The following GLP2R variants were observed in gnomAD, a reference collection of about 807,000 sequenced individuals.
The protein encoded by GLP2R is glucagon-like peptide 2 receptor.
Under a neutral mutation model 68.2 loss-of-function variants are expected in GLP2R, and 59 were observed. The observed-to-expected ratio is 0.87, with a 90% CI of 0.70 to 1.07. The LOEUF is 1.07. GLP2R is among the 50% of genes least tolerant of loss of function. GLP2R has a pLI of 0.00. For missense variants in GLP2R, 548 were observed against 677.4 expected, an observed-to-expected ratio of 0.81 and a Z score of 2.12; for synonymous variants, 270 against 265.4, an observed-to-expected ratio of 1.02 and a Z score of -0.17.
intron 11 of GLP2R, among the ~76,000 whole-genome samples, chr17:9,881,032 T>G (rs7223144): frequency 0.022 from 3,358 of 152,274 alleles, 144 homozygotes; most frequent in African/African-American, 0.077. Flanking sequence ...ATTGCTTAAA[T>G]TATTATCTAT....
chr17:9,890,072 C>T lies in GLP2R; in HGVS notation c.*367C>T, dbSNP rs1252524390. The T allele has an allele frequency of 2.2e-6, 1 of 462,504 alleles. No homozygotes were observed. Among genetic ancestry groups the T allele is most frequent in the African/African-American group, 2.0e-5 (1 of 50,322 alleles). The allele number at this position is 462,504 out of a possible 1,614,324, so 28.7% of individuals were successfully genotyped here. A position where few individuals can be genotyped will look rare whatever the true frequency, so the allele number is the denominator to read the frequency against. On this transcript the variant is annotated 3_prime_UTR_variant, in exon 13 of 13. Transcript: ENST00000262441. ...TTTATCCCTTGGGGTGCATGCTTTC[C>T]ATCTGAGGTTGGGTTTAGGGTGCGT...
At chr17:9,856,552 C>G (rs1304007734) in intron 5 of GLP2R, among the ~76,000 whole-genome samples, 1 of 152,164 alleles carries the variant, frequency 6.6e-6, no homozygotes, top group African/African-American at 2.4e-5. Flanking sequence ...CAGGAGACCC[C>G]AGGTGCATAA....
At chr17:9,864,510 GTTTGTTTTGTTTTTTGTT>G (rs1267031316) in intron 9 of GLP2R, among the ~76,000 whole-genome samples, 2 of 140,918 alleles carry the variant, frequency 1.4e-5, no homozygotes, top group Non-Finnish European at 1.6e-5. Flanking sequence ...TTGTTTGTTT[GTTTGTTTTGTTTTTTGTT>G]TTTTGTTTTT....
In GLP2R at chr17:9,825,945, G is replaced by A; in HGVS notation, c.-119G>A. On this transcript the variant is annotated 5_prime_UTR_variant, in exon 1 of 13. Transcript: ENST00000262441. ...CCTCAGACACTCTCGGCGCAGCGTG[G>A]AGAGGATTTGTGCAAACATTTCCTC... The A allele has an allele frequency of 1.2e-6, 1 of 813,688 alleles. No homozygotes were observed. Among genetic ancestry groups the A allele is most frequent in the South Asian group, 1.7e-5 (1 of 58,806 alleles). The allele number at this position is 813,688 out of a possible 1,614,324, so 50.4% of individuals were successfully genotyped here. A position where few individuals can be genotyped will look rare whatever the true frequency, so the allele number is the denominator to read the frequency against.
intron 7 of GLP2R, 148 bp from the exon 8 acceptor site, chr17:9,860,991 T>C: frequency 3.1e-6 from 2 of 641,748 alleles, no homozygotes; most frequent in South Asian, 4.4e-5. Flanking sequence ...TGTGCCACCC[T>C]GGGTCTCTCC....
At chr17:9,859,417 C>T (rs971552892) in intron 6 of GLP2R, among the ~76,000 whole-genome samples, 1 of 151,988 alleles carries the variant, frequency 6.6e-6, no homozygotes, top group African/African-American at 2.4e-5. Context: ...GAACACCTAC[C>T]TGAAGCCCTC....
chr17:9,887,202 G>T (rs1314943184), intron 11 of GLP2R, among the ~76,000 whole-genome samples: 2 of 151,828 alleles, frequency 1.3e-5, no homozygotes, highest in Non-Finnish European at 2.9e-5. Flanking sequence ...AGGGTCAGGG[G>T]CCAAAAGGAA....
chr17:9,867,690 T>C (rs974616476), intron 9 of GLP2R, among the ~76,000 whole-genome samples: 11 of 152,334 alleles, frequency 7.2e-5, no homozygotes, highest in Admixed American at 2.6e-4. Context: ...GGTCATTCTA[T>C]CCATACCCTG....
intron 1 of GLP2R, among the ~76,000 whole-genome samples, 184 bp downstream of exon 1, chr17:9,826,436 C>T (rs1397526488): frequency 1.3e-5 from 2 of 152,056 alleles, no homozygotes; most frequent in Admixed American, 6.6e-5. Flanking sequence ...TGTCCTCAAA[C>T]CTTTTCTCTA....
At chr17:9,856,440 G>A (rs1180476158) in intron 5 of GLP2R, among the ~76,000 whole-genome samples, 5 of 152,234 alleles carry the variant, frequency 3.3e-5, no homozygotes, top group Middle Eastern at 3.4e-3. Context: ...TATAACAATA[G>A]CTTTAAAGCA....
intron 10 of GLP2R, among the ~76,000 whole-genome samples, chr17:9,879,788 A>G (rs2067178937): frequency 6.6e-6 from 1 of 152,144 alleles, no homozygotes; most frequent in African/African-American, 2.4e-5. Context: ...AGCCCTCACT[A>G]TCACCAGGGT....
At chr17:9,869,765 A>G (rs2067075523) in intron 9 of GLP2R, among the ~76,000 whole-genome samples, 1 of 152,224 alleles carries the variant, frequency 6.6e-6, no homozygotes, top group Non-Finnish European at 1.5e-5. Context: ...GCTGGGTGGA[A>G]GCCAGCCATC....
intron 9 of GLP2R, among the ~76,000 whole-genome samples, chr17:9,867,623 T>C (rs2067051318): frequency 6.6e-6 from 1 of 152,230 alleles, no homozygotes; most frequent in South Asian, 2.1e-4. Context: ...AGAATATTGG[T>C]AAAGTCTTGA....
At chr17:9,836,252 G>A (rs949331934) in intron 2 of GLP2R, 119 bp from the exon 3 acceptor site, 47 of 695,878 alleles carry the variant, frequency 6.8e-5, no homozygotes, top group Middle Eastern at 5.0e-4. Context: ...GCTGGTTTCT[G>A]CACAGGTTAC....
chr17:9,848,555 G>A (rs545082025), intron 4 of GLP2R, among the ~76,000 whole-genome samples: 11 of 152,250 alleles, frequency 7.2e-5, no homozygotes, highest in African/African-American at 2.2e-4. Flanking sequence ...GGAGCGCTAA[G>A]CAAGATTTGA....
rs1373616128 is a variant in GLP2R at position 9,857,491 on chromosome 17, C to G, written c.680C>G (p.Ala227Gly). 6.2e-7 allele frequency: 1 copy of G among 1,613,998 alleles called. No individual in the cohort carries two copies. Residue 227 changes from alanine (A) to glycine (G), a missense_variant, in exon 6 of 13, where the codon GCT (alanine) becomes GGT (glycine). Transcript: ENST00000262441. ...LFASFILRTL[A>G]VLVKDVVFYN... The stretch of plus-strand genomic sequence containing the variant: ...GCTTCTTTCATCCTGAGAACCCTGG[C>G]TGTACTGGTGAAGGACGTCGTCTTC...
In GLP2R at chr17:9,826,194, C is replaced by A. The variant is rs61730818; in HGVS notation, c.131C>A (p.Ser44Tyr). 2.2e-5 allele frequency: 35 copies of A among 1,613,458 alleles called. 1 individual carries two copies. The African/African-American group carries it at 3.2e-4, about 15-fold the overall frequency. Residue 44 changes from serine (S) to tyrosine (Y), a missense_variant, in exon 1 of 13, where the codon TCT (serine) becomes TAT (tyrosine). Ser to Tyr is a moderately radical substitution (Grantham distance 144). Transcript: ENST00000262441. ...TSPLSFHRKC[S>Y]LWAPGRPFLT... ...CCTCTCTCCTTCCACAGGAAGTGCT[C>A]TCTCTGGGCCCCTGGGAGGCCCTTC...
chr17:9,888,990 T>G (rs1311008362), intron 12 of GLP2R, among the ~76,000 whole-genome samples: 1 of 152,206 alleles, frequency 6.6e-6, no homozygotes, highest in African/African-American at 2.4e-5. Context: ...TTACATAGAA[T>G]GTACATAGCT....
chr17:9,854,635 A>AGGTATAGTAGCCCTCCTTCATCTACAGG, intron 5 of GLP2R, 34 bp downstream of exon 5: 3 of 1,194,904 alleles, frequency 2.5e-6, no homozygotes, highest in Non-Finnish European at 3.8e-6. Flanking sequence ...GTGTTCGGGC[A>AGGTATAGTAGCCCTCCTTCATCTACAGG]GGTATAGTAG....
Sources: allele counts gnomAD v4.1 joint callset (sites outside exome capture counted in the v4.1 genomes callset), GRCh38; gene constraint gnomAD v4.1.1; transcripts MANE v1.5; gene names NCBI Gene and HGNC (gene_info 2026-07-23, HGNC 2026-07-21).